Variants in ZBED6 observed in about 807,000 individuals in gnomAD.
ZBED6 encodes zinc finger BED-type containing 6.
A neutral mutation model predicts 58.4 loss-of-function variants in ZBED6; 40 were observed. That is an observed-to-expected ratio of 0.68 (90% CI 0.53 to 0.89). The LOEUF (loss-of-function observed/expected upper bound fraction) is 0.89. Ranked by LOEUF, ZBED6 falls within the 40% of genes least tolerant of loss-of-function variation. The pLI, the probability that ZBED6 is intolerant of heterozygous loss-of-function variation, is 0.00. For missense variants in ZBED6, 1,057 were observed against 1,003.9 expected (o/e 1.05, Z -0.71); for synonymous variants, 439 against 350.6 (o/e 1.25, Z -2.82).
intron 9 of ZBED6, 29 bp downstream of exon 9, chr1:203,833,882 T>G: frequency 1.3e-6 from 2 of 1,591,582 alleles, no homozygotes; most frequent in Non-Finnish European, 8.5e-7. Flanking sequence ...ATATCTTTTC[T>G]TTTCTACTTG....
exon 1 of ZBED6, chr1:203,799,929 A>G: frequency 6.5e-7 from 1 of 1,536,136 alleles, no homozygotes; most frequent in Non-Finnish European, 8.7e-7. Context: ...CTGTAATTAT[A>G]TGGAATCTTC....
In ZBED6 at chr1:203,830,267, C is replaced by G. The variant is rs1020390254; in HGVS notation, c.*3399+64C>G. 6.3e-6 allele frequency: 8 copies of G among 1,270,026 alleles called. No homozygotes were observed. The African/African-American group carries it at 1.2e-4, about 19-fold the overall frequency. The allele number at this position is 1,270,026 out of a possible 1,614,324, so 78.7% of individuals were successfully genotyped here. A position where few individuals can be genotyped will look rare whatever the true frequency, so the allele number is the denominator to read the frequency against. On this transcript the variant is annotated intron_variant, in intron 7 of 16. Coordinates refer to ENST00000550078, the Ensembl canonical transcript of ZBED6. Reference sequence around the variant, plus strand: ...CTAGGGAAGAATACTAAGGACGCTTCTAGAAGCAACAGCCAAAATGAGCAA... The same window carrying G: ...CTAGGGAAGAATACTAAGGACGCTTGTAGAAGCAACAGCCAAAATGAGCAA...
exon 1 of ZBED6, chr1:203,800,539 T>A: frequency 7.5e-7 from 1 of 1,339,876 alleles, no homozygotes; most frequent in African/African-American, 1.5e-5. Context: ...TTAAATATAA[T>A]CATTATCTTT....
intron 9 of ZBED6, 105 bp from the exon 10 acceptor site, chr1:203,837,861 C>A: frequency 9.6e-7 from 1 of 1,038,800 alleles, no homozygotes; most frequent in Non-Finnish European, 1.4e-6. Flanking sequence ...CATATGTATG[C>A]AGAACACTTA....
intron 10 of ZBED6, 29 bp downstream of exon 10, chr1:203,838,093 T>G: frequency 1.3e-6 from 2 of 1,598,532 alleles, no homozygotes; most frequent in Non-Finnish European, 1.7e-6. Flanking sequence ...ACTTTGTGTG[T>G]GTATGTAATT....
At chr1:203,835,723 GT>G in intron 9 of ZBED6, 1 of 255,270 alleles carries the variant, frequency 3.9e-6, no homozygotes, top group Non-Finnish European at 8.5e-6. Flanking sequence ...GTTTTGTTTG[GT>G]TTGCCACCAG....
At chr1:203,814,835 A>C (rs1379933965) in intron 1 of ZBED6, 1 of 151,958 alleles carries the variant, frequency 6.6e-6, no homozygotes, top group Non-Finnish European at 1.5e-5. Context: ...TTTTTAAATC[A>C]TTTGTTTATT....
At chr1:203,852,102 T>A in intron 16 of ZBED6, 39 bp from the exon 17 acceptor site, 2 of 1,611,288 alleles carry the variant, frequency 1.2e-6, no homozygotes, top group Non-Finnish European at 1.7e-6. Context: ...CAACTATTTT[T>A]AAAACGGCAG....
intron 1 of ZBED6, chr1:203,806,211 A>G (rs886181131): frequency 1.2e-5 from 5 of 423,542 alleles, no homozygotes; most frequent in African/African-American, 1.0e-4. Context: ...CAATGCAGTC[A>G]TTCAGGCTGG....
Position 203,813,839 on chromosome 1 carries a change from T to C in ZBED6, c.*2555-3087T>C, listed in dbSNP as rs150915263. The stretch of plus-strand genomic sequence containing the variant: ...GTGTCTTCTCATCACATTCCCTCTG[T>C]ACATGTCTGTCTCTTTCATTTTAAG... On this transcript the variant is annotated intron_variant, in intron 1 of 16. Transcript: ENST00000550078. Among the ~76,000 whole-genome samples, 290 of 152,214 alleles carry C rather than the reference T, an allele frequency of 1.9e-3. 2 individuals are homozygous for C. Among genetic ancestry groups the C allele is most frequent in the African/African-American group, 6.6e-3 (275 of 41,552 alleles).
intron 11 of ZBED6, among the ~76,000 whole-genome samples, chr1:203,842,922 G>A (rs570542104): frequency 2.2e-3 from 144 of 64,774 alleles, no homozygotes; most frequent in African/African-American, 2.7e-3. Context: ...TCAGCCTTCC[G>A]TCTTTTTTTT....
At chr1:203,796,394 C>T (rs554321532) in exon 1 of ZBED6, 2 of 399,048 alleles carry the variant, frequency 5.0e-6, no homozygotes, top group African/African-American at 2.1e-5. Context: ...ACACTCCCAC[C>T]CCTGGCCCTC....
At chr1:203,798,214 A>G in exon 1 of ZBED6, 1 of 1,536,200 alleles carries the variant, frequency 6.5e-7, no homozygotes. Context: ...ATGGGCAAGA[A>G]GCATGATAAA....
exon 1 of ZBED6, chr1:203,797,763 C>A (rs1435737047): frequency 3.3e-6 from 5 of 1,535,452 alleles, no homozygotes; most frequent in Non-Finnish European, 4.4e-6. Context: ...AAAATTGATT[C>A]TTGCCAAAAA....
chr1:203,820,118 C>T (rs1296243213), intron 3 of ZBED6, among the ~76,000 whole-genome samples: 1 of 151,558 alleles, frequency 6.6e-6, no homozygotes, highest in Admixed American at 6.6e-5. Flanking sequence ...GTCTGTAATC[C>T]CAGCTATTCA....
intron 14 of ZBED6, chr1:203,850,288 A>G: frequency 1.5e-6 from 1 of 678,998 alleles, no homozygotes; most frequent in Non-Finnish European, 2.5e-6. Flanking sequence ...AAAAACAAGG[A>G]ATAGAGGAAT....
At chr1:203,804,123 A>G (rs901876499) in intron 1 of ZBED6, among the ~76,000 whole-genome samples, 1 of 146,816 alleles carries the variant, frequency 6.8e-6, no homozygotes, top group African/African-American at 2.5e-5. Context: ...TGGGTCTTGC[A>G]TACTTCTTCA....
At chr1:203,830,056 A>C in intron 6 of ZBED6, 67 bp from the exon 7 acceptor site, 1 of 1,375,852 alleles carries the variant, frequency 7.3e-7, no homozygotes, top group Non-Finnish European at 1.0e-6. Flanking sequence ...AATGCCTGCT[A>C]TGTACAGATA....
intron 8 of ZBED6, among the ~76,000 whole-genome samples, chr1:203,833,236 T>C (rs1456072518): frequency 6.6e-6 from 1 of 152,044 alleles, no homozygotes; most frequent in Admixed American, 6.6e-5. Context: ...GGCATGGTGG[T>C]GCACGCCTGT....
Sources: gnomAD v4.1 joint callset for allele counts (sites outside exome capture counted in the v4.1 genomes callset) on GRCh38, gnomAD v4.1.1 for gene constraint, MANE v1.5 for transcripts, NCBI Gene and HGNC (gene_info 2026-07-23, HGNC 2026-07-21) for gene names.